The following PPARGC1A variants were observed in gnomAD, a reference collection of about 807,000 sequenced individuals.
The protein encoded by PPARGC1A is peroxisome proliferator-activated receptor gamma coactivator 1-alpha.
In PPARGC1A, 25 loss-of-function variants were observed where a neutral mutation model predicts 88.7. The ratio of observed to expected loss-of-function variants is 0.28; its 90% CI spans 0.21 to 0.39. The LOEUF (loss-of-function observed/expected upper bound fraction) is 0.39, where lower values mean the gene tolerates loss of function less well. PPARGC1A is among the 10% of genes least tolerant of loss of function. PPARGC1A has a pLI of 1.00. For missense variants in PPARGC1A, 880 were observed against 968.7 expected, an observed-to-expected ratio of 0.91 and a Z score of 1.22; for synonymous variants, 363 against 355.6, an observed-to-expected ratio of 1.02 and a Z score of -0.24.
chr4:23,818,732 T>C (rs76362720), intron 7 of PPARGC1A, among the ~76,000 whole-genome samples: 5,700 of 151,934 alleles, frequency 0.038, 113 homozygotes, highest in Middle Eastern at 0.058. Context: ...TATGAAACGA[T>C]TTTCTTGGAG....
chr4:23,906,818 A>G (rs1720105581), upstream of PPARGC1A, among the ~76,000 whole-genome samples: 1 of 152,124 alleles, frequency 6.6e-6, no homozygotes, highest in Non-Finnish European at 1.5e-5. Flanking sequence ...ACATGGATTA[A>G]GGTCACTCAA....
Position 23,792,175 on chromosome 4 carries a change from T to C in PPARGC1A, c.*3647A>G, listed in dbSNP as rs1380378056. ...AAAAAAGGCCCGGCAAGGGCTCAACTAATCGCTCACTTTCCCTCTTCAGCA... is the reference window on the plus strand; with the variant it reads ...AAAAAAGGCCCGGCAAGGGCTCAACCAATCGCTCACTTTCCCTCTTCAGCA... On this transcript the variant is annotated 3_prime_UTR_variant, in exon 13 of 13. Coordinates refer to ENST00000264867, the MANE Select transcript of PPARGC1A (RefSeq NM_013261.5). The C allele has an allele frequency of 6.6e-6, 1 of 152,624 alleles. No homozygotes were observed. The highest frequency in any genetic ancestry group is 1.5e-5 in the Non-Finnish European group (1 of 68,034). 9.5% of individuals were successfully genotyped at this position (152,624 alleles called of 1,614,324 possible). A position where few individuals can be genotyped will look rare whatever the true frequency, so the allele number is the denominator to read the frequency against.
chr4:24,442,007 G>A, the PPARGC1A span, among the ~76,000 whole-genome samples: 1 of 152,198 alleles, frequency 6.6e-6, no homozygotes, highest in East Asian at 1.9e-4. Context: ...GTTATGCAAA[G>A]ATGTTTATAT....
chr4:24,025,099 A>G, the PPARGC1A span, among the ~76,000 whole-genome samples: 1 of 152,170 alleles, frequency 6.6e-6, no homozygotes, highest in Non-Finnish European at 1.5e-5. Context: ...CTAAACTGGG[A>G]ATTTCCTTTC....
the PPARGC1A span, among the ~76,000 whole-genome samples, chr4:24,147,781 T>C: frequency 6.6e-6 from 1 of 152,074 alleles, no homozygotes; most frequent in Non-Finnish European, 1.5e-5. Context: ...AACCCATCTC[T>C]ACTAAAATAC....
the PPARGC1A span, among the ~76,000 whole-genome samples, chr4:23,996,046 C>T: frequency 6.6e-6 from 1 of 152,160 alleles, no homozygotes; most frequent in East Asian, 1.9e-4. Context: ...GGAAAACAGG[C>T]TCTTTTCATC....
the PPARGC1A span, among the ~76,000 whole-genome samples, chr4:24,229,133 G>A: frequency 1.0e-5 from 1 of 99,026 alleles, no homozygotes; most frequent in African/African-American, 3.3e-5. Context: ...GATTATGGAT[G>A]AAGCTTGGGT....
chr4:24,175,533 C>A, the PPARGC1A span, among the ~76,000 whole-genome samples: 1 of 142,800 alleles, frequency 7.0e-6, no homozygotes, highest in Admixed American at 7.1e-5. Flanking sequence ...CACCACCACA[C>A]CAAGCTTTTT....
the PPARGC1A span, among the ~76,000 whole-genome samples, chr4:24,227,528 TAAAC>T: frequency 2.0e-5 from 3 of 152,292 alleles, no homozygotes; most frequent in Admixed American, 6.5e-5. Context: ...AGAAATTAAA[TAAAC>T]AAATAAATAA....
At chr4:23,822,656 A>G (rs1723209866) in intron 7 of PPARGC1A, among the ~76,000 whole-genome samples, 1 of 152,048 alleles carries the variant, frequency 6.6e-6, no homozygotes, top group Non-Finnish European at 1.5e-5. Flanking sequence ...AGGAGATGAC[A>G]ATTGTAGACA....
the PPARGC1A span, among the ~76,000 whole-genome samples, chr4:24,129,652 C>A: frequency 6.6e-6 from 1 of 152,074 alleles, no homozygotes; most frequent in Admixed American, 6.5e-5. Context: ...TGGGTATATA[C>A]CCAAAGGATT....
chr4:23,858,038 C>T (rs1211154552), intron 2 of PPARGC1A, among the ~76,000 whole-genome samples: 2 of 151,888 alleles, frequency 1.3e-5, no homozygotes, highest in Non-Finnish European at 1.5e-5. Context: ...TGGCTAAATA[C>T]TACTATGGCT....
the PPARGC1A span, among the ~76,000 whole-genome samples, chr4:24,003,436 G>A: frequency 1.1e-4 from 16 of 152,212 alleles, no homozygotes; most frequent in African/African-American, 3.9e-4. Flanking sequence ...AAAATGTGCA[G>A]TCAAAGAAGA....
the PPARGC1A span, among the ~76,000 whole-genome samples, chr4:24,433,173 A>C: frequency 6.6e-6 from 1 of 152,156 alleles, no homozygotes; most frequent in Non-Finnish European, 1.5e-5. Context: ...TTTTATATAA[A>C]TATTTCAGTT....
At chr4:23,812,393 G>T (rs1422554813) in intron 10 of PPARGC1A, among the ~76,000 whole-genome samples, 1 of 151,986 alleles carries the variant, frequency 6.6e-6, no homozygotes, top group African/African-American at 2.4e-5. Context: ...TCCGCTCAAA[G>T]AGAGAAGTAA....
At chr4:24,304,353 G>T in the PPARGC1A span, among the ~76,000 whole-genome samples, 1 of 152,100 alleles carries the variant, frequency 6.6e-6, no homozygotes, top group Non-Finnish European at 1.5e-5. Context: ...TGAGAATGGG[G>T]TACTCCTAAC....
At chr4:24,233,053 C>T in the PPARGC1A span, among the ~76,000 whole-genome samples, 3 of 152,066 alleles carry the variant, frequency 2.0e-5, no homozygotes, top group African/African-American at 7.2e-5. Context: ...CCTGGGACCA[C>T]AGAGGCCCAG....
At chr4:24,186,130 T>C in the PPARGC1A span, among the ~76,000 whole-genome samples, 1 of 152,016 alleles carries the variant, frequency 6.6e-6, no homozygotes, top group Non-Finnish European at 1.5e-5. Context: ...TGTGTGCAGA[T>C]GGGAGACTTT....
chr4:23,975,510 T>C, the PPARGC1A span, among the ~76,000 whole-genome samples: 1 of 152,066 alleles, frequency 6.6e-6, no homozygotes, highest in Non-Finnish European at 1.5e-5. Context: ...CTCCGACTTC[T>C]GGGTTCAAGC....
Sources: gnomAD v4.1 joint callset for allele counts (sites outside exome capture counted in the v4.1 genomes callset) on GRCh38, gnomAD v4.1.1 for gene constraint, MANE v1.5 for transcripts, NCBI Gene and HGNC (gene_info 2026-07-23, HGNC 2026-07-21) for gene names.